FREM3: variants seen among roughly 807,000 people sequenced by gnomAD.
FREM3 encodes the protein FRAS1 related extracellular matrix 3.
Under a neutral mutation model 129.1 loss-of-function variants are expected in FREM3, and 105 were observed. The ratio of observed to expected loss-of-function variants is 0.81; its 90% CI spans 0.69 to 0.96. The LOEUF is 0.96. FREM3 is among the 40% of genes least tolerant of loss of function. The probability of loss-of-function intolerance (pLI) is 0.00; values close to 1 mark genes in which losing one functional copy is unlikely to be tolerated. For synonymous variants in FREM3, 1,014 were observed against 1,044.9 expected (o/e 0.97, Z 0.57); for missense variants, 2,593 against 2,666.3 (o/e 0.97, Z 0.61).
intron 2 of FREM3, among the ~76,000 whole-genome samples, chr4:143,664,208 T>C (rs1447350346): frequency 6.6e-6 from 1 of 152,076 alleles, no homozygotes; most frequent in East Asian, 1.9e-4. Flanking sequence ...TTCCCCATCT[T>C]TGTGGTTTTA....
chr4:143,608,767 T>C (rs1738706281), intron 6 of FREM3, among the ~76,000 whole-genome samples: 1 of 152,144 alleles, frequency 6.6e-6, no homozygotes, highest in African/African-American at 2.4e-5. Context: ...CTGGCACTTA[T>C]GTTGGAAAGA....
At chr4:143,620,905 A>G (rs574312280) in intron 5 of FREM3, 132 bp downstream of exon 5, 9 of 840,482 alleles carry the variant, frequency 1.1e-5, no homozygotes, top group East Asian at 8.1e-5. Context: ...GCAGCAGGGC[A>G]TGGACAATGA....
intron 2 of FREM3, among the ~76,000 whole-genome samples, chr4:143,660,021 A>G (rs1301904228): frequency 6.7e-6 from 1 of 148,644 alleles, no homozygotes; most frequent in African/African-American, 2.5e-5. Context: ...ATTTTCTCCC[A>G]TTTTGTAGGT....
At chr4:143,669,976 T>C (rs997845716) in intron 2 of FREM3, among the ~76,000 whole-genome samples, 2 of 152,206 alleles carry the variant, frequency 1.3e-5, no homozygotes, top group Non-Finnish European at 2.9e-5. Flanking sequence ...ACAAGAACTA[T>C]GTAATTTTTA....
At chr4:143,604,190 G>C (rs1323117414) in intron 6 of FREM3, among the ~76,000 whole-genome samples, 1 of 152,092 alleles carries the variant, frequency 6.6e-6, no homozygotes, top group Non-Finnish European at 1.5e-5. Flanking sequence ...CCTTCTGCCA[G>C]GAGTGGACCT....
At chr4:143,656,453 T>C (rs1739602794) in intron 2 of FREM3, among the ~76,000 whole-genome samples, 1 of 152,176 alleles carries the variant, frequency 6.6e-6, no homozygotes, top group Admixed American at 6.5e-5. Flanking sequence ...AGCAGTACCA[T>C]ATATACATAC....
At chr4:143,660,901 A>T (rs1484323576) in intron 2 of FREM3, among the ~76,000 whole-genome samples, 1 of 152,212 alleles carries the variant, frequency 6.6e-6, no homozygotes, top group Non-Finnish European at 1.5e-5. Flanking sequence ...TCATTGGTGT[A>T]TAAGAATGTT....
intron 6 of FREM3, among the ~76,000 whole-genome samples, chr4:143,592,247 G>T (rs928409891): frequency 6.6e-6 from 1 of 152,122 alleles, no homozygotes; most frequent in African/African-American, 2.4e-5. Context: ...TACATTTAAG[G>T]TTAGTATTGT....
chr4:143,629,319 C>CA (rs1739099273), intron 2 of FREM3, among the ~76,000 whole-genome samples: 1 of 152,150 alleles, frequency 6.6e-6, no homozygotes, highest in South Asian at 2.1e-4. Context: ...CCCTCCTTCG[C>CA]ACTGCAGGTT....
intron 6 of FREM3, among the ~76,000 whole-genome samples, chr4:143,595,634 T>A (rs1046428037): frequency 1.3e-5 from 2 of 152,160 alleles, no homozygotes. Flanking sequence ...TTGCCTGTAA[T>A]CCCAGCACTT....
At chr4:143,662,056 A>AT (rs1419042225) in intron 2 of FREM3, among the ~76,000 whole-genome samples, 1 of 151,646 alleles carries the variant, frequency 6.6e-6, no homozygotes, top group Non-Finnish European at 1.5e-5. Context: ...GGATTCATTG[A>AT]TTTTTTGAAG....
At chr4:143,604,150 A>T (rs556341759) in intron 6 of FREM3, among the ~76,000 whole-genome samples, 2 of 152,222 alleles carry the variant, frequency 1.3e-5, no homozygotes, top group South Asian at 4.1e-4. Context: ...CTCTCTTGCC[A>T]TGTGATCTGC....
chr4:143,577,307 T>A lies in FREM3; in HGVS notation c.*304A>T. 2.2e-6 allele frequency: 1 copy of A among 450,900 alleles called. No homozygotes were observed. The highest frequency in any genetic ancestry group is 3.9e-6 in the Non-Finnish European group (1 of 257,442). 27.9% of individuals were successfully genotyped at this position (450,900 alleles called of 1,614,324 possible). ...AATCAGTAAAGAGAGGTTAATTCTT[T>A]GATCTTAACTTTTGATTTAATTGAT... On this transcript the variant is annotated 3_prime_UTR_variant, in exon 8 of 8. Coordinates refer to ENST00000329798, the MANE Select transcript of FREM3 (RefSeq NM_001168235.2).
chr4:143,618,019 G>A (rs534269263), intron 5 of FREM3, among the ~76,000 whole-genome samples: 1 of 152,330 alleles, frequency 6.6e-6, no homozygotes, highest in African/African-American at 2.4e-5. Context: ...GTGAATGAAA[G>A]AGATGAGATG....
At position 143,676,455 on chromosome 4, in the gene FREM3, G is replaced by A. The variant is rs189942444; in HGVS notation, c.5275+16658C>T. ...ATATCATACTGAATGGGCAAAAACT[G>A]GAAGCATTCCCTTTGAAAACTGGCA... is the stretch of plus-strand genomic sequence containing the variant. On this transcript the variant is annotated intron_variant, in intron 2 of 7. Coordinates refer to ENST00000329798, the MANE Select transcript of FREM3 (RefSeq NM_001168235.2). Among the ~76,000 whole-genome samples the A allele has an allele frequency of 3.9e-4, 59 of 152,240 alleles. No individual in the cohort carries two copies. The East Asian group carries it at 6.9e-3, about 18-fold the overall frequency.
At position 143,696,266 on chromosome 4, in the gene FREM3, C is replaced by A; in HGVS notation, c.4410G>T (p.Leu1470=). 6.5e-7 allele frequency: 1 copy of A among 1,537,740 alleles called. No homozygotes were observed. Among genetic ancestry groups the A allele is most frequent in the Non-Finnish European group, 8.7e-7 (1 of 1,147,024 alleles). The change falls in exon 1 of 8, where the codon CTG becomes CTT. Residue 1470 remains leucine, a synonymous_variant. Coordinates refer to ENST00000329798, the MANE Select transcript of FREM3 (RefSeq NM_001168235.2). ...HHFSITRAPS[L]GHLESSDYAG... is the part of the protein sequence containing the mutation. ...CATAGTCAGAACTTTCTAAGTGACCCAGGCTTGGAGCCCGTGTAATGCTAA... is the reference window on the plus strand; with the variant it reads ...CATAGTCAGAACTTTCTAAGTGACCAAGGCTTGGAGCCCGTGTAATGCTAA...
chr4:143,692,897 GC>G (rs2149862896), intron 2 of FREM3, among the ~76,000 whole-genome samples: 1 of 152,200 alleles, frequency 6.6e-6, no homozygotes, highest in East Asian at 1.9e-4. Flanking sequence ...ATTCCTCATT[GC>G]TTTTTCTTCC....
chr4:143,665,748 G>C (rs6857270), intron 2 of FREM3, among the ~76,000 whole-genome samples: 116,624 of 151,972 alleles, frequency 0.77, 45,196 homozygotes, highest in East Asian at 0.94. Flanking sequence ...TTTCCCCTCT[G>C]CCTTTTCAGA....
chr4:143,587,209 T>C (rs1451032049), intron 6 of FREM3, among the ~76,000 whole-genome samples: 1 of 152,008 alleles, frequency 6.6e-6, no homozygotes, highest in East Asian at 1.9e-4. Context: ...TGAGCTGGAA[T>C]GTGCCAATAT....
Sources: allele counts gnomAD v4.1 joint callset (sites outside exome capture counted in the v4.1 genomes callset), GRCh38; gene constraint gnomAD v4.1.1; transcripts MANE v1.5; gene names NCBI Gene and HGNC (gene_info 2026-07-23, HGNC 2026-07-21).